RTBDN: variants seen among roughly 807,000 people sequenced by gnomAD.
RTBDN encodes retbindin.
Under a neutral mutation model 21.9 loss-of-function variants are expected in RTBDN, and 24 were observed. The ratio of observed to expected loss-of-function variants is 1.10; its 90% CI spans 0.79 to 1.54. The LOEUF (loss-of-function observed/expected upper bound fraction) is 1.54. Among genes scored for constraint, RTBDN ranks in the 40% most tolerant of loss-of-function variants. The probability of loss-of-function intolerance (pLI) is 0.00; values close to 1 mark genes in which losing one functional copy is unlikely to be tolerated. For synonymous variants in RTBDN, 141 were observed against 125.9 expected, an observed-to-expected ratio of 1.12 and a Z score of -0.80; for missense variants, 325 against 315.2, an observed-to-expected ratio of 1.03 and a Z score of -0.23.
upstream of RTBDN, chr19:12,835,046 A>C (rs1441850566): frequency 6.2e-7 from 1 of 1,608,866 alleles, no homozygotes; most frequent in Non-Finnish European, 8.5e-7. Flanking sequence ...CTCCATCCCC[A>C]GCCTGAATCT....
chr19:12,825,733 A>T lies in RTBDN; in HGVS notation c.663T>A (p.Ser221Arg), dbSNP rs1231836106. The T allele has an allele frequency of 6.3e-7, 1 of 1,590,406 alleles. No individual in the cohort carries two copies. Among genetic ancestry groups the T allele is most frequent in the Non-Finnish European group, 8.5e-7 (1 of 1,169,866 alleles). The change falls in exon 6 of 6, where the codon AGT becomes AGA. Residue 221 changes from serine to arginine, a missense_variant. Physicochemically the swap from Ser to Arg is moderately radical, Grantham distance 110. Coordinates refer to ENST00000674343, the MANE Select transcript of RTBDN (RefSeq NM_001270441.2). Reference protein sequence around the residue: ...TSILDAAGSGSGSGSGSGP With the variant: ...TSILDAAGSGRGSGSGSGP The stretch of plus-strand genomic sequence containing the variant: ...AGGGGCCGCTGCCGCTTCCACTGCC[A>T]CTCCCGCTGCCCGCAGCGTCCAGGA...
At chr19:12,834,822 C>G, upstream of RTBDN, 1 of 1,614,216 alleles carries the variant, frequency 6.2e-7, no homozygotes, top group Non-Finnish European at 8.5e-7. The surrounding 1 kb of genome is among the most constrained non-coding windows in gnomAD (Gnocchi z 4.7). Flanking sequence ...CGAGAAGCGT[C>G]CTCTGCTCGT....
upstream of RTBDN, chr19:12,835,189 A>C (rs887235126): frequency 6.2e-6 from 8 of 1,286,004 alleles, no homozygotes; most frequent in African/African-American, 1.2e-4. Flanking sequence ...ATCAGACTGC[A>C]GGAAGGACCT....
Position 12,825,880 on chromosome 19 carries a change from C to T in RTBDN, c.516G>A (p.Pro172=). 2.5e-6 allele frequency: 4 copies of T among 1,613,068 alleles called. No individual in the cohort carries two copies. Among genetic ancestry groups the T allele is most frequent in the Non-Finnish European group, 3.4e-6 (4 of 1,179,590 alleles). ...AGTGACGGGCTCCAGGAGCAGCCAC[C>T]GGTAGGGCGTGGCCCAGAGCCGAGC... ...LCRSALGHAL[P]VAAPGARHCF... The change falls in exon 6 of 6, where the codon CCG becomes CCA. Residue 172 remains proline, a synonymous_variant. Coordinates refer to ENST00000674343, the MANE Select transcript of RTBDN (RefSeq NM_001270441.2).
upstream of RTBDN, chr19:12,834,817 A>G (rs1969701127): frequency 6.2e-7 from 1 of 1,614,200 alleles, no homozygotes; most frequent in Admixed American, 1.7e-5. The surrounding 1 kb of genome is among the most constrained non-coding windows in gnomAD (Gnocchi z 4.7). Context: ...GTAGCCGAGA[A>G]GCGTCCTCTG....
upstream of RTBDN, chr19:12,835,187 G>A: frequency 7.6e-7 from 1 of 1,323,904 alleles, no homozygotes. Context: ...TGATCAGACT[G>A]CAGGAAGGAC....
rs1000568610 is a variant in RTBDN at position 12,830,590 on chromosome 19, C to T, written c.-18-593G>A. On this transcript the variant is annotated intron_variant, in intron 1 of 5. Coordinates refer to ENST00000674343, the MANE Select transcript of RTBDN (RefSeq NM_001270441.2). The surrounding 1 kb of genome is among the most constrained non-coding windows in gnomAD (Gnocchi z 4.2). ...GGAGACAAGACTGTCCCCTTCCCGCCTCCCCGCATTCAGCCCCTCACCTGT... is the reference window on the plus strand; with the variant it reads ...GGAGACAAGACTGTCCCCTTCCCGCTTCCCCGCATTCAGCCCCTCACCTGT... The T allele has an allele frequency of 1.0e-5, 10 of 985,486 alleles. No individual in the cohort carries two copies. Among genetic ancestry groups the T allele is most frequent in the Non-Finnish European group, 1.2e-5 (10 of 830,074 alleles). 61.0% of individuals were successfully genotyped at this position (985,486 alleles called of 1,614,324 possible). A position where few individuals can be genotyped will look rare whatever the true frequency, so the allele number is the denominator to read the frequency against.
rs936817133 is a variant in RTBDN at position 12,830,989 on chromosome 19, G to A, written c.-18-992C>T. 7.1e-5 allele frequency among the ~76,000 whole-genome samples: 10 copies of A among 140,350 alleles called. No individual in the cohort carries two copies. The highest frequency in any genetic ancestry group is 1.4e-4 in the Non-Finnish European group (9 of 65,572). The allele number at this position is 140,350 out of a possible 152,430, so 92.1% of individuals were successfully genotyped here. A position where few individuals can be genotyped will look rare whatever the true frequency, so the allele number is the denominator to read the frequency against. On this transcript the variant is annotated intron_variant, in intron 1 of 5. Transcript: ENST00000674343. This position sits in a 1 kb window ranked among gnomAD's most constrained non-coding sequence, Gnocchi z 4.2. ...GTGTGTTTTTGTTGTATGAGGTTAT[G>A]TTTATGTGTGTTTCTTGGTGGAGTG...
In RTBDN at chr19:12,834,229, G is replaced by C. The variant is rs1043842713; in HGVS notation, c.-19+260C>G. ...TCCAGGGAGCTGCCGGAGGGGTGCA[G>C]CCTAGCGCTCCCCCTCGAGGATCGC... On this transcript the variant is annotated intron_variant, in intron 1 of 5. Coordinates refer to ENST00000674343, the MANE Select transcript of RTBDN (RefSeq NM_001270441.2). This position sits in a 1 kb window ranked among gnomAD's most constrained non-coding sequence, Gnocchi z 4.7. Among the ~76,000 whole-genome samples, 2 of 152,154 alleles carry C rather than the reference G, an allele frequency of 1.3e-5. No homozygotes were observed. The highest frequency in any genetic ancestry group is 6.5e-5 in the Admixed American group (1 of 15,292).
chr19:12,829,967 C>G lies in RTBDN; in HGVS notation c.13G>C (p.Val5Leu), dbSNP rs377365138. 1 of 1,610,352 alleles carries G rather than the reference C, an allele frequency of 6.2e-7. No homozygotes were observed. The highest frequency in any genetic ancestry group is 8.5e-7 in the Non-Finnish European group (1 of 1,176,996). Reference sequence around the variant, plus strand: ...GTCAGGCCGATGGGTCGCATGTGGACCCTGCAGTCCATGTCCACCTGAGAT... The same window carrying G: ...GTCAGGCCGATGGGTCGCATGTGGAGCCTGCAGTCCATGTCCACCTGAGAT... MDCR[V>L]HMRPIGLTWV... is the part of the protein sequence containing the mutation. The change falls in exon 2 of 6, where the codon GTC (valine) becomes CTC (leucine). Residue 5 changes from valine to leucine, a missense_variant. Physicochemically the swap from Val to Leu is conservative, Grantham distance 32 (BLOSUM62 1). Coordinates refer to ENST00000674343, the MANE Select transcript of RTBDN (RefSeq NM_001270441.2).
chr19:12,831,157 T>C (rs146905813), intron 1 of RTBDN, among the ~76,000 whole-genome samples: 37 of 152,110 alleles, frequency 2.4e-4, no homozygotes, highest in Non-Finnish European at 3.5e-4. Context: ...AAATGTAGCA[T>C]TGGGTTAGTG....
At chr19:12,829,699 C>G in intron 2 of RTBDN, 112 bp downstream of exon 2, 2 of 1,112,444 alleles carry the variant, frequency 1.8e-6, no homozygotes, top group South Asian at 3.1e-5. Flanking sequence ...TCCGTGCCTC[C>G]CACCTTGGTG....
chr19:12,826,421 C>T (rs766139260), intron 5 of RTBDN: 8 of 1,257,036 alleles, frequency 6.4e-6, no homozygotes, highest in South Asian at 1.4e-5. Flanking sequence ...GGGCCGGGGG[C>T]GGTGGCTCAC....
At chr19:12,826,220 T>C (rs1340638903) in intron 5 of RTBDN, 1 of 1,317,282 alleles carries the variant, frequency 7.6e-7, no homozygotes, top group African/African-American at 1.5e-5. Flanking sequence ...TTCTGGGTCC[T>C]CCAGGGTAAA....
Position 12,829,995 on chromosome 19 carries a change from G to GTCC in RTBDN, c.-17_-16insGGA. The GTCC allele has an allele frequency of 6.2e-7, 1 of 1,600,746 alleles. No individual in the cohort carries two copies. ...TGCAGTCCATGTCCACCTGAGATAA[G>GTCC]AGCTGGCAGGCATAGGGTGGGGTTC... On this transcript the variant is annotated splice_region_variant and 5_prime_UTR_variant, in exon 2 of 6. Coordinates refer to ENST00000674343, the MANE Select transcript of RTBDN (RefSeq NM_001270441.2).
At chr19:12,828,395 C>CA (rs1215529511) in intron 4 of RTBDN, among the ~76,000 whole-genome samples, 218 of 123,252 alleles carry the variant, frequency 1.8e-3, no homozygotes, top group Non-Finnish European at 2.1e-3. Context: ...GACTCCATCT[C>CA]AAAAAAAAAA....
At position 12,825,562 on chromosome 19, in the gene RTBDN, G is replaced by T. The variant is rs966893096; in HGVS notation, c.*144C>A. ...CATTTCTGGGATAACCTGGAGAGGGGTGGGTCTCTGGAGCTCCAGGGAGGA... is the reference window on the plus strand; with the variant it reads ...CATTTCTGGGATAACCTGGAGAGGGTTGGGTCTCTGGAGCTCCAGGGAGGA... On this transcript the variant is annotated 3_prime_UTR_variant, in exon 6 of 6. Transcript: ENST00000674343. The T allele has an allele frequency of 4.0e-5, 49 of 1,232,118 alleles. No individual in the cohort carries two copies. The highest frequency in any genetic ancestry group is 5.1e-5 in the Non-Finnish European group (47 of 921,978). The allele number at this position is 1,232,118 out of a possible 1,614,324, so 76.3% of individuals were successfully genotyped here.
Position 12,830,543 on chromosome 19 carries a change from G to T in RTBDN, c.-18-546C>A. On this transcript the variant is annotated intron_variant, in intron 1 of 5. Transcript: ENST00000674343. This position sits in a 1 kb window ranked among gnomAD's most constrained non-coding sequence, Gnocchi z 4.2. ...TGTCACTGGGGCCCAAAGCCCCGAG[G>T]CAGGGACAGCTAGCGGTCTGTGGAG... The T allele has an allele frequency of 1.0e-6, 1 of 984,490 alleles. No individual in the cohort carries two copies. 61.0% of individuals were successfully genotyped at this position (984,490 alleles called of 1,614,324 possible).
At chr19:12,826,400 G>A in intron 5 of RTBDN, 5 of 1,272,738 alleles carry the variant, frequency 3.9e-6, no homozygotes, top group Non-Finnish European at 3.0e-6. Flanking sequence ...CGGTAAGAAA[G>A]AACTTGGTGG....
Sources: gnomAD v4.1 joint callset for allele counts (sites outside exome capture counted in the v4.1 genomes callset) on GRCh38, gnomAD v4.1.1 for gene constraint, Gnocchi (gnomAD v3.1) non-coding constraint, MANE v1.5 for transcripts, NCBI Gene and HGNC (gene_info 2026-07-23, HGNC 2026-07-21) for gene names.